Variants in TMCC1 observed in about 807,000 individuals in gnomAD.
TMCC1 encodes the protein transmembrane and coiled-coil domain family 1, also known as transmembrane and coiled-coil domains protein 1.
In TMCC1, 15 loss-of-function variants were observed where a neutral mutation model predicts 52.4. The ratio of observed to expected loss-of-function variants is 0.29; its 90% confidence interval spans 0.19 to 0.44. TMCC1 has a LOEUF of 0.44. Ranked by LOEUF, TMCC1 falls within the 20% of genes least tolerant of loss-of-function variation. TMCC1 has a pLI of 1.00. For missense variants in TMCC1, 503 were observed against 806.0 expected (o/e 0.62, Z 4.55); for synonymous variants, 279 against 301.9 (o/e 0.92, Z 0.79).
chr3:129,657,405 A>T (rs1460302582), intron 5 of TMCC1, among the ~76,000 whole-genome samples: 1 of 152,266 alleles, frequency 6.6e-6, no homozygotes, highest in Non-Finnish European at 1.5e-5. Flanking sequence ...AGAAGGTATT[A>T]TCTGCATTTT....
intron 4 of TMCC1, among the ~76,000 whole-genome samples, chr3:129,693,017 A>AT (rs1316818788): frequency 2.0e-5 from 3 of 151,784 alleles, no homozygotes; most frequent in East Asian, 1.9e-4. Flanking sequence ...TAATTTTTGT[A>AT]TTTTTTTGTG....
chr3:129,719,526 T>C (rs893710404), intron 4 of TMCC1, among the ~76,000 whole-genome samples: 14 of 152,184 alleles, frequency 9.2e-5, no homozygotes, highest in African/African-American at 3.4e-4. Flanking sequence ...ACCTGGGGCT[T>C]TCAATGGGCA....
At chr3:129,857,302 A>T (rs149071889) in intron 2 of TMCC1, 32 of 152,356 alleles carry the variant, frequency 2.1e-4, no homozygotes, top group African/African-American at 7.7e-4. Flanking sequence ...ACCTCCTTAC[A>T]TACAGCCCAG....
intron 4 of TMCC1, among the ~76,000 whole-genome samples, chr3:129,812,336 C>CA (rs11387876): frequency 0.86 from 48,598 of 56,266 alleles, 21,482 homozygotes; most frequent in South Asian, 0.93. Context: ...GACTCTGTCT[C>CA]AAAAAAAAAA....
intron 2 of TMCC1, among the ~76,000 whole-genome samples, chr3:129,840,731 A>T (rs147686642): frequency 2.6e-4 from 39 of 152,204 alleles, no homozygotes; most frequent in Admixed American, 3.3e-4. Context: ...CATGTAAGAC[A>T]TGCCTTTCTT....
intron 4 of TMCC1, among the ~76,000 whole-genome samples, chr3:129,732,673 G>C (rs1445152610): frequency 6.6e-6 from 1 of 151,896 alleles, no homozygotes; most frequent in Non-Finnish European, 1.5e-5. Context: ...GCAAGCAGAT[G>C]AAGGAGAGAG....
Position 129,651,455 on chromosome 3 carries a change from AG to A in TMCC1, c.*25del. ...CTGCTGCATGCACTCGCCAGAGGGT[AG>A]GGAACAATGCCTTCTGTGCCAGCAT... On this transcript the variant is annotated 3_prime_UTR_variant, in exon 7 of 7. Transcript: ENST00000393238. This position sits in a 1 kb window ranked among gnomAD's most constrained non-coding sequence, Gnocchi z 5.1. The A allele has an allele frequency of 6.2e-7, 1 of 1,602,392 alleles. No individual in the cohort carries two copies. The highest frequency in any genetic ancestry group is 8.5e-7 in the Non-Finnish European group (1 of 1,172,522).
intron 4 of TMCC1, among the ~76,000 whole-genome samples, chr3:129,760,425 TGTG>T (rs1406180660): frequency 1.3e-5 from 2 of 149,438 alleles, no homozygotes; most frequent in Non-Finnish European, 3.0e-5. Context: ...TGTGTGTGTG[TGTG>T]TGTGTGTTTT....
chr3:129,887,452 G>A (rs1203001923), intron 1 of TMCC1, among the ~76,000 whole-genome samples: 1 of 149,808 alleles, frequency 6.7e-6, no homozygotes, highest in African/African-American at 2.5e-5. Flanking sequence ...TGAGGCAGAA[G>A]AATCACTTGA....
chr3:129,697,676 C>T (rs923674149), intron 4 of TMCC1, among the ~76,000 whole-genome samples: 1 of 152,108 alleles, frequency 6.6e-6, no homozygotes, highest in African/African-American at 2.4e-5. Flanking sequence ...AAACACTTTG[C>T]CACTTAGAAA....
intron 4 of TMCC1, among the ~76,000 whole-genome samples, chr3:129,721,488 C>A (rs1303170635): frequency 6.6e-6 from 1 of 151,994 alleles, no homozygotes; most frequent in Non-Finnish European, 1.5e-5. Flanking sequence ...GTAGCTGGGA[C>A]CACAGAGTCA....
intron 2 of TMCC1, among the ~76,000 whole-genome samples, chr3:129,872,793 T>G (rs2060992513): frequency 6.6e-6 from 1 of 152,190 alleles, no homozygotes; most frequent in African/African-American, 2.4e-5. Context: ...TCTGTTTATA[T>G]AAGACAATAA....
chr3:129,729,087 A>C (rs1385051495), intron 4 of TMCC1, among the ~76,000 whole-genome samples: 1 of 152,096 alleles, frequency 6.6e-6, no homozygotes, highest in Admixed American at 6.6e-5. Flanking sequence ...ATACCTAGGC[A>C]TGGATTTACT....
intron 1 of TMCC1, among the ~76,000 whole-genome samples, chr3:129,887,228 T>C (rs2061749156): frequency 6.6e-6 from 1 of 151,748 alleles, no homozygotes; most frequent in Admixed American, 6.6e-5. Flanking sequence ...TTGTATTTTA[T>C]AGGAATTTTA....
chr3:129,749,020 G>A lies in TMCC1; in HGVS notation c.577-77756C>T, dbSNP rs933229594. Among the ~76,000 whole-genome samples the A allele has an allele frequency of 7.9e-5, 12 of 151,612 alleles. No individual in the cohort carries two copies. The East Asian group carries it at 1.2e-3, about 15-fold the overall frequency. On this transcript the variant is annotated intron_variant, in intron 4 of 6. Coordinates refer to ENST00000393238, the MANE Select transcript of TMCC1 (RefSeq NM_001017395.5). Reference sequence around the variant, plus strand: ...AGCCTGAGTGACAGAGTGAGACTCCGCTAAAAAAAAATAATTAAAAATTGA... The same window carrying A: ...AGCCTGAGTGACAGAGTGAGACTCCACTAAAAAAAAATAATTAAAAATTGA...
intron 4 of TMCC1, among the ~76,000 whole-genome samples, chr3:129,738,381 C>T (rs948995315): frequency 3.9e-5 from 6 of 151,950 alleles, no homozygotes; most frequent in Admixed American, 6.6e-5. Flanking sequence ...TCTACTCAGG[C>T]GTCACGTTAA....
chr3:129,804,087 T>A (rs1482218650), intron 4 of TMCC1, among the ~76,000 whole-genome samples: 1 of 151,994 alleles, frequency 6.6e-6, no homozygotes, highest in East Asian at 1.9e-4. Context: ...TCTGTAGCAG[T>A]GAAAAATGAG....
At chr3:129,805,220 T>C (rs996969481) in intron 4 of TMCC1, among the ~76,000 whole-genome samples, 7 of 152,110 alleles carry the variant, frequency 4.6e-5, no homozygotes, top group Non-Finnish European at 1.0e-4. Flanking sequence ...TGGAGTACAG[T>C]GATACAATCT....
rs1427586682 is a variant in TMCC1, at chr3:129,692,617, C to T, written c.577-21353G>A. Among the ~76,000 whole-genome samples the T allele has an allele frequency of 9.2e-5, 14 of 152,154 alleles. 1 individual carries two copies. The highest frequency in any genetic ancestry group is 9.2e-4 in the Admixed American group (14 of 15,266). ...TGTATTTGTGAGCTTTACTAGTCTG[C>T]TAAGATGCTTGTGTATGACGTAGTT... On this transcript the variant is annotated intron_variant, in intron 4 of 6. Coordinates refer to ENST00000393238, the MANE Select transcript of TMCC1 (RefSeq NM_001017395.5).
Sources: gnomAD v4.1 joint callset for allele counts (sites outside exome capture counted in the v4.1 genomes callset) on GRCh38, gnomAD v4.1.1 for gene constraint, Gnocchi (gnomAD v3.1) non-coding constraint, MANE v1.5 for transcripts, NCBI Gene and HGNC (gene_info 2026-07-23, HGNC 2026-07-21) for gene names.